The following MED16 variants were observed in gnomAD, a reference collection of about 807,000 sequenced individuals.
The protein encoded by MED16 is mediator complex subunit 16.
Under a neutral mutation model 84.4 loss-of-function variants are expected in MED16, and 81 were observed. The observed-to-expected ratio is 0.96, with a 90% confidence interval of 0.80 to 1.15. The LOEUF (loss-of-function observed/expected upper bound fraction) is 1.15, where lower values mean the gene tolerates loss of function less well. Ranked by LOEUF, MED16 falls within the 50% of genes most tolerant of loss-of-function variation. The pLI is 0.00. For missense variants in MED16, 1,585 were observed against 1,245.9 expected, an observed-to-expected ratio of 1.27 and a Z score of -4.10; for synonymous variants, 897 against 552.2, an observed-to-expected ratio of 1.62 and a Z score of -8.76.
Position 867,968 on chromosome 19 carries a change from G to T in MED16, c.*133C>A. 2.4e-6 allele frequency: 3 copies of T among 1,232,568 alleles called. No individual in the cohort carries two copies. The highest frequency in any genetic ancestry group is 2.5e-5 in the East Asian group (1 of 39,768). 76.4% of individuals were successfully genotyped at this position (1,232,568 alleles called of 1,614,324 possible). ...CGACGGCAGGGACGCGGGCCTGGGC[G>T]CAGAGGGCGTTTATTGGACCTGTCC... On this transcript the variant is annotated 3_prime_UTR_variant, in exon 16 of 16. Coordinates refer to ENST00000325464, the MANE Select transcript of MED16 (RefSeq NM_005481.3).
chr19:871,032 C>G lies in MED16; in HGVS notation c.2315+5G>C, dbSNP rs534412257. ...GTTTGGGGACCAATGCAGGGACACA[C>G]GCACCTGGCGAGGCCGTCGAGCTGC... On this transcript the variant is annotated splice_donor_5th_base_variant and intron_variant, in intron 13 of 15. Coordinates refer to ENST00000325464, the MANE Select transcript of MED16 (RefSeq NM_005481.3). The G allele has an allele frequency of 6.5e-7, 1 of 1,538,178 alleles. No homozygotes were observed. Among genetic ancestry groups the G allele is most frequent in the Non-Finnish European group, 8.8e-7 (1 of 1,138,976 alleles).
chr19:868,597 C>T (rs1347881431), intron 14 of MED16, 98 bp from the exon 15 acceptor site: 34 of 1,486,034 alleles, frequency 2.3e-5, no homozygotes, highest in African/African-American at 8.3e-5. Context: ...CTCTGCTCGC[C>T]GTCCCTCACG....
chr19:869,030 T>A, intron 13 of MED16, 84 bp from the exon 14 acceptor site: 1 of 1,221,350 alleles, frequency 8.2e-7, no homozygotes, highest in Non-Finnish European at 1.1e-6. Flanking sequence ...CAGGCGGGGG[T>A]GGAGGGAATG....
chr19:877,623 G>A (rs1010140835), intron 8 of MED16, among the ~76,000 whole-genome samples: 9 of 150,794 alleles, frequency 6.0e-5, no homozygotes, highest in African/African-American at 2.0e-4. Context: ...CCCCGGGGGC[G>A]CCTCCCTCTG....
At position 891,045 on chromosome 19, in the gene MED16, G is replaced by A. The variant is rs549335827; in HGVS notation, c.87C>T (p.His29=). The A allele has an allele frequency of 6.2e-7, 1 of 1,614,142 alleles. No individual in the cohort carries two copies. The highest frequency in any genetic ancestry group is 1.1e-5 in the South Asian group (1 of 91,090). Residue 29 remains histidine, a synonymous_variant, in exon 2 of 16, where the codon CAC becomes CAT. Transcript: ENST00000325464. ...CGCAGGCCAGGGGCACCGATGGGCA[G>A]TGGGTGCTCTTGGACCATTTCTCCC... ...CEWEKWSKST[H]CPSVPLACAW...
chr19:892,753 A>G, intron 1 of MED16: 1 of 123,982 alleles, frequency 8.1e-6, no homozygotes, highest in Non-Finnish European at 1.8e-5. Context: ...AACCCACTCC[A>G]GGCCCCGCCC....
intron 10 of MED16, 24 bp from the exon 11 acceptor site, chr19:873,606 C>T (rs769348205): frequency 6.2e-7 from 1 of 1,610,948 alleles, no homozygotes. Context: ...TGGGTCGGGT[C>T]AGCTCGGGCC....
At chr19:871,672 TAGCAGATATCAA>T in intron 12 of MED16, 1 of 1,564,578 alleles carries the variant, frequency 6.4e-7, no homozygotes, top group Non-Finnish European at 8.6e-7. Flanking sequence ...ACTGGGGAAA[TAGCAGATATCAA>T]GGCAGAGCCA....
intron 4 of MED16, among the ~76,000 whole-genome samples, chr19:888,315 A>C (rs1382128227): frequency 6.6e-6 from 1 of 152,088 alleles, no homozygotes; most frequent in Non-Finnish European, 1.5e-5. Context: ...TGAGGTGAGA[A>C]GTTCGAGACC....
At chr19:869,673 T>A (rs746078470) in intron 13 of MED16, among the ~76,000 whole-genome samples, 59 of 152,158 alleles carry the variant, frequency 3.9e-4, no homozygotes, top group Non-Finnish European at 7.5e-4. Flanking sequence ...GGGGGTGCCT[T>A]CCCTGGAGGT....
chr19:872,276 T>G (rs1433298951), intron 11 of MED16, among the ~76,000 whole-genome samples, 158 bp from the exon 12 acceptor site: 1 of 151,742 alleles, frequency 6.6e-6, no homozygotes, highest in African/African-American at 2.4e-5. Context: ...ACCGAGTGGG[T>G]GGATGCCGGG....
Position 871,139 on chromosome 19 carries a change from AGGCCGTCGCT to A in MED16, c.2203_2212del (p.Ser735TrpfsTer79). 1 of 1,548,152 alleles carries A rather than the reference AGGCCGTCGCT, an allele frequency of 6.5e-7. No individual in the cohort carries two copies. Among genetic ancestry groups the A allele is most frequent in the South Asian group, 1.2e-5 (1 of 84,028 alleles). On this transcript the variant is annotated frameshift_variant, in exon 13 of 16. Transcript: ENST00000325464. LOFTEE classifies it high-confidence loss of function. ...CTGCTTGGGCTGCAGGCGGCTAACC[AGGCCGTCGCT>A]GGCTGGCAGCCAGTCCAGGCTGGGG...
At chr19:890,679 G>A (rs1287535825) in intron 2 of MED16, among the ~76,000 whole-genome samples, 1 of 152,164 alleles carries the variant, frequency 6.6e-6, no homozygotes, top group Non-Finnish European at 1.5e-5. Context: ...CTAGAAAACT[G>A]GGGCACGTGT....
At position 871,259 on chromosome 19, in the gene MED16, G is replaced by C. The variant is rs751800037; in HGVS notation, c.2099-6C>G. The C allele has an allele frequency of 2.0e-6, 3 of 1,530,840 alleles. No individual in the cohort carries two copies. The highest frequency in any genetic ancestry group is 1.8e-6 in the Non-Finnish European group (2 of 1,133,052). 94.8% of individuals were successfully genotyped at this position (1,530,840 alleles called of 1,614,324 possible). On this transcript the variant is annotated splice_region_variant and splice_polypyrimidine_tract_variant and intron_variant, in intron 12 of 15. Coordinates refer to ENST00000325464, the MANE Select transcript of MED16 (RefSeq NM_005481.3). ...CGCTGGGCCCTCATCGCGACCTGCG[G>C]AGAGAGGTGGCGGAAGTCTCAGCAC... is the stretch of plus-strand genomic sequence containing the variant.
chr19:877,233 G>C, intron 8 of MED16, 53 bp from the exon 9 acceptor site: 2 of 1,541,100 alleles, frequency 1.3e-6, no homozygotes, highest in East Asian at 2.4e-5. Flanking sequence ...TGCGCCCTCA[G>C]CCGGGAGAGG....
At chr19:872,870 T>C in intron 11 of MED16, 1 of 787,008 alleles carries the variant, frequency 1.3e-6, no homozygotes, top group Non-Finnish European at 1.6e-6. Flanking sequence ...GGCGGGGCTT[T>C]GAGAATGGGC....
At chr19:882,493 C>T (rs1568329488) in intron 6 of MED16, among the ~76,000 whole-genome samples, 1 of 152,216 alleles carries the variant, frequency 6.6e-6, no homozygotes, top group Non-Finnish European at 1.5e-5. Flanking sequence ...CACTGCACTC[C>T]AGCCTGGGCA....
intron 6 of MED16, 75 bp from the exon 7 acceptor site, chr19:881,789 T>C (rs1005519372): frequency 3.1e-5 from 47 of 1,534,234 alleles, no homozygotes; most frequent in Middle Eastern, 1.8e-4. Flanking sequence ...GAGTCCAGCA[T>C]GGCCTGGTGT....
chr19:868,785 G>A (rs372479505), intron 14 of MED16, 78 bp downstream of exon 14: 14 of 1,427,080 alleles, frequency 9.8e-6, no homozygotes, highest in East Asian at 5.0e-5. Context: ...CGTCTGGAGC[G>A]CTGGGTGGGG....
Sources: gnomAD v4.1 joint callset for allele counts (sites outside exome capture counted in the v4.1 genomes callset) on GRCh38, gnomAD v4.1.1 for gene constraint, MANE v1.5 for transcripts, NCBI Gene and HGNC (gene_info 2026-07-23, HGNC 2026-07-21) for gene names.